Variants in PRSS23 observed in about 807,000 individuals in gnomAD.
PRSS23 encodes the protein protease, serine 23.
In PRSS23, 25 loss-of-function variants were observed where a neutral mutation model predicts 34.7. The observed-to-expected ratio is 0.72, with a 90% CI of 0.53 to 1.01. The LOEUF is 1.01. Among genes scored for constraint, PRSS23 ranks in the 50% least tolerant of loss-of-function variants. The pLI, the probability that PRSS23 is intolerant of heterozygous loss-of-function variation, is 0.00. For synonymous variants in PRSS23, 176 were observed against 186.6 expected (o/e 0.94, Z 0.46); for missense variants, 445 against 475.6 (o/e 0.94, Z 0.60).
chr11:86,927,767 A>C (rs1949091339), intron 2 of PRSS23, among the ~76,000 whole-genome samples: 1 of 152,116 alleles, frequency 6.6e-6, no homozygotes, highest in East Asian at 1.9e-4. Context: ...CACGCCTGTA[A>C]GCCAGGGGAG....
At chr11:86,940,060 C>G (rs936407368) in intron 2 of PRSS23, among the ~76,000 whole-genome samples, 5 of 152,094 alleles carry the variant, frequency 3.3e-5, no homozygotes, top group Admixed American at 3.3e-4. Context: ...AGAAATAAGT[C>G]GTGTTAGAAA....
At chr11:86,835,480 C>G (rs1198204332) in intron 2 of PRSS23, among the ~76,000 whole-genome samples, 1 of 152,210 alleles carries the variant, frequency 6.6e-6, no homozygotes. Flanking sequence ...GGTTAGGGCC[C>G]TCTTTAGGGC....
At chr11:86,902,633 G>A (rs1948919090) in intron 2 of PRSS23, among the ~76,000 whole-genome samples, 1 of 152,142 alleles carries the variant, frequency 6.6e-6, no homozygotes, top group African/African-American at 2.4e-5. Flanking sequence ...GAGGAGAAAA[G>A]ATTAGTGTAC....
chr11:86,928,705 A>AAAATATATATATATATATAT (rs1949101803), intron 2 of PRSS23, among the ~76,000 whole-genome samples: 1 of 51,292 alleles, frequency 1.9e-5, no homozygotes, highest in African/African-American at 5.9e-5. Context: ...AAAAAAAAAA[A>AAAATATATATATATATATAT]ATTGGCAAGA....
chr11:86,945,081 G>A (rs750020959), intron 2 of PRSS23, among the ~76,000 whole-genome samples: 4 of 152,012 alleles, frequency 2.6e-5, no homozygotes, highest in Admixed American at 6.6e-5. Flanking sequence ...TGCTTTGTCC[G>A]ATGACTTTTC....
Position 86,808,904 on chromosome 11 carries a change from G to C in PRSS23, c.*109G>C. The C allele has an allele frequency of 1.1e-6, 1 of 889,982 alleles. No individual in the cohort carries two copies. Among genetic ancestry groups the C allele is most frequent in the Non-Finnish European group, 1.7e-6 (1 of 572,010 alleles). 55.1% of individuals were successfully genotyped at this position (889,982 alleles called of 1,614,324 possible). A position where few individuals can be genotyped will look rare whatever the true frequency, so the allele number is the denominator to read the frequency against. On this transcript the variant is annotated 3_prime_UTR_variant, in exon 2 of 2. Transcript: ENST00000280258. ...CACACGTGTGTGTGTGTGTGTGTGT[G>C]TGTGTAAGGTGTCTTATAATCTTTT...
intron 1 of PRSS23, among the ~76,000 whole-genome samples, chr11:86,822,543 C>G (rs1465179776): frequency 6.6e-6 from 1 of 151,226 alleles, no homozygotes; most frequent in Non-Finnish European, 1.5e-5. Flanking sequence ...ATAGCTTGAG[C>G]CTGGGAGGTC....
intron 2 of PRSS23, chr11:86,857,828 G>A: frequency 1.5e-6 from 1 of 655,564 alleles, no homozygotes; most frequent in Non-Finnish European, 2.7e-6. Context: ...AGGTTGGAGA[G>A]GAAGAAGTAC....
At chr11:86,890,327 G>T (rs1053173301) in intron 2 of PRSS23, among the ~76,000 whole-genome samples, 1 of 152,036 alleles carries the variant, frequency 6.6e-6, no homozygotes, top group Admixed American at 6.5e-5. Context: ...AAGAAGCATT[G>T]CCCTGGAATC....
chr11:86,831,855 G>A (rs77742859), intron 2 of PRSS23, among the ~76,000 whole-genome samples: 13,717 of 151,984 alleles, frequency 0.09, 837 homozygotes, highest in Non-Finnish European at 0.13. Context: ...CTATGCCAGT[G>A]TTCCTCCTAA....
intron 2 of PRSS23, among the ~76,000 whole-genome samples, chr11:86,850,804 A>G (rs1007849604): frequency 1.3e-5 from 2 of 152,238 alleles, no homozygotes; most frequent in African/African-American, 4.8e-5. Flanking sequence ...GTCATAAAGT[A>G]GACAAAACCT....
intron 1 of PRSS23, 61 bp downstream of exon 1, chr11:86,800,712 G>C: frequency 2.1e-6 from 2 of 935,828 alleles, no homozygotes; most frequent in Non-Finnish European, 2.5e-6. Flanking sequence ...GCGCCGGGAG[G>C]AGCGGGACAA....
chr11:86,800,468 A>AGGCGGGGCG, upstream of PRSS23: 1 of 983,602 alleles, frequency 1.0e-6, no homozygotes, highest in Non-Finnish European at 1.2e-6. Context: ...CCGAGGCCGG[A>AGGCGGGGCG]GGCGGGGCGG....
At chr11:86,922,483 CAAATAA>C (rs72071974) in intron 2 of PRSS23, among the ~76,000 whole-genome samples, 47,797 of 151,286 alleles carry the variant, frequency 0.32, 7,602 homozygotes, top group African/African-American at 0.36. Context: ...AAAAAATAAA[CAAATAA>C]AAATAAAAAT....
chr11:86,794,480 AGTAG>A (rs1947968970), intron 1 of PRSS23, among the ~76,000 whole-genome samples: 1 of 152,214 alleles, frequency 6.6e-6, no homozygotes, highest in Non-Finnish European at 1.5e-5. Flanking sequence ...GCATATTCTA[AGTAG>A]GATTAGAGTA....
At chr11:86,798,491 C>A (rs536179762), upstream of PRSS23, among the ~76,000 whole-genome samples, 1 of 152,314 alleles carries the variant, frequency 6.6e-6, no homozygotes, top group East Asian at 1.9e-4. Flanking sequence ...CTGCATTGGG[C>A]ACCTCACACA....
intron 2 of PRSS23, among the ~76,000 whole-genome samples, chr11:86,943,363 G>A (rs1453699384): frequency 1.3e-5 from 2 of 152,238 alleles, no homozygotes; most frequent in African/African-American, 2.4e-5. Context: ...GGTGGCTTAC[G>A]CCTGTAATCC....
At chr11:86,816,648 T>C (rs1948217000) in intron 1 of PRSS23, among the ~76,000 whole-genome samples, 1 of 152,226 alleles carries the variant, frequency 6.6e-6, no homozygotes, top group Non-Finnish European at 1.5e-5. Flanking sequence ...TAAGGCATTC[T>C]GGGACATAAG....
intron 2 of PRSS23, chr11:86,933,763 A>G (rs775566676): frequency 2.0e-5 from 3 of 152,308 alleles, no homozygotes; most frequent in East Asian, 1.9e-4. Context: ...CATTCCTACC[A>G]TATCTGCTCT....
Sources: allele counts gnomAD v4.1 joint callset (sites outside exome capture counted in the v4.1 genomes callset), GRCh38; gene constraint gnomAD v4.1.1; transcripts MANE v1.5; gene names NCBI Gene and HGNC (gene_info 2026-07-23, HGNC 2026-07-21).